FBXO10: variants seen among roughly 807,000 people sequenced by gnomAD.
The protein encoded by FBXO10 is F-box protein 10.
FBXO10 carries 39 observed loss-of-function variants against 80.7 expected under a neutral mutation model. The ratio of observed to expected loss-of-function variants is 0.48; its 90% CI spans 0.37 to 0.63. The LOEUF (loss-of-function observed/expected upper bound fraction) is 0.63, where lower values mean the gene tolerates loss of function less well. Ranked by LOEUF, FBXO10 falls within the 30% of genes least tolerant of loss-of-function variation. The pLI, the probability that FBXO10 is intolerant of heterozygous loss-of-function variation, is 0.00. For missense variants in FBXO10, 1,025 were observed against 1,269.0 expected (o/e 0.81, Z 2.92); for synonymous variants, 449 against 489.6 (o/e 0.92, Z 1.09).
chr9:37,554,065 C>A (rs962947191), intron 1 of FBXO10, among the ~76,000 whole-genome samples: 5 of 152,174 alleles, frequency 3.3e-5, no homozygotes, highest in Non-Finnish European at 5.9e-5. Flanking sequence ...TTAGATTTCT[C>A]CAGTTTTACT....
At position 37,532,169 on chromosome 9, in the gene FBXO10, C is replaced by T. The variant is rs186393262; in HGVS notation, c.1420-111G>A. The T allele has an allele frequency of 1.1e-3, 1,373 of 1,241,844 alleles. 6 individuals carry two copies. Among genetic ancestry groups the T allele is most frequent in the South Asian group, 2.1e-3 (147 of 68,978 alleles). The allele number at this position is 1,241,844 out of a possible 1,614,324, so 76.9% of individuals were successfully genotyped here. A position where few individuals can be genotyped will look rare whatever the true frequency, so the allele number is the denominator to read the frequency against. On this transcript the variant is annotated intron_variant, in intron 3 of 10. Coordinates refer to ENST00000432825, the MANE Select transcript of FBXO10 (RefSeq NM_012166.3). ...ACCACCTGATCCATGCAGTTTACCCCGTAGGCAAGAGAAACGCCTCAATGC... is the reference window on the plus strand; with the variant it reads ...ACCACCTGATCCATGCAGTTTACCCTGTAGGCAAGAGAAACGCCTCAATGC...
intron 9 of FBXO10, among the ~76,000 whole-genome samples, chr9:37,517,328 C>T (rs373514674): frequency 2.5e-4 from 37 of 149,644 alleles, no homozygotes; most frequent in Non-Finnish European, 4.7e-4. Context: ...ATCCATATAA[C>T]CAAAAACCAC....
intron 2 of FBXO10, among the ~76,000 whole-genome samples, chr9:37,540,445 G>A (rs569323280): frequency 6.6e-6 from 1 of 152,010 alleles, no homozygotes; most frequent in African/African-American, 2.4e-5. Flanking sequence ...CCAAAGTGCT[G>A]GGATTACAGG....
At chr9:37,542,625 G>C (rs564195513) in intron 1 of FBXO10, among the ~76,000 whole-genome samples, 1 of 149,622 alleles carries the variant, frequency 6.7e-6, no homozygotes, top group Non-Finnish European at 1.5e-5. Context: ...ATACGACTCC[G>C]GAACTGCCAG....
chr9:37,534,553 C>T (rs1821709215), intron 3 of FBXO10, among the ~76,000 whole-genome samples: 1 of 152,230 alleles, frequency 6.6e-6, no homozygotes, highest in African/African-American at 2.4e-5. Flanking sequence ...CCAGTAAGAA[C>T]TCAGCTAACA....
intron 1 of FBXO10, among the ~76,000 whole-genome samples, chr9:37,552,267 A>T (rs1032706186): frequency 6.6e-6 from 1 of 152,174 alleles, no homozygotes; most frequent in Non-Finnish European, 1.5e-5. Flanking sequence ...ATCCGTTTCC[A>T]AGTTGCTTCT....
intron 3 of FBXO10, among the ~76,000 whole-genome samples, chr9:37,535,517 AT>A (rs893067313): frequency 2.7e-5 from 4 of 148,046 alleles, no homozygotes; most frequent in East Asian, 2.0e-4. Flanking sequence ...ATGCCTGGCT[AT>A]TTTTTTTTTA....
At position 37,531,895 on chromosome 9, in the gene FBXO10, C is replaced by T. The variant is rs1477024774; in HGVS notation, c.1569+14G>A. On this transcript the variant is annotated intron_variant, in intron 4 of 10. Transcript: ENST00000432825. ...ACCAAGAGTCACCCTGAATAGGGAA[C>T]GAACACAAAGTACCAGTATGAGTGG... The T allele has an allele frequency of 4.3e-6, 7 of 1,612,020 alleles. No homozygotes were observed. In the South Asian group the frequency reaches 4.4e-5, roughly 10 times the overall value.
At chr9:37,515,651 C>A (rs1018553896) in intron 10 of FBXO10, 1 of 389,648 alleles carries the variant, frequency 2.6e-6, no homozygotes, top group Non-Finnish European at 4.6e-6. Flanking sequence ...TGCCCAAGGT[C>A]ACACAGCCAG....
intron 1 of FBXO10, among the ~76,000 whole-genome samples, chr9:37,571,812 C>T (rs1822767545): frequency 6.9e-6 from 1 of 145,320 alleles, no homozygotes; most frequent in Admixed American, 7.0e-5. Flanking sequence ...AGACAGTTCA[C>T]AAAAGAGGCA....
chr9:37,531,929 T>C lies in FBXO10; in HGVS notation c.1549A>G (p.Lys517Glu). The change falls in exon 4 of 11, where the codon AAG (lysine) becomes GAG (glutamate). Residue 517 changes from lysine to glutamate, a missense_variant. This residue lies in a region of FBXO10 where 478 missense variants were observed against 667.8 expected (regional missense o/e 0.72). Coordinates refer to ENST00000432825, the MANE Select transcript of FBXO10 (RefSeq NM_012166.3). ...NAEAGVDIRKKSNPLILCNQI... is the reference protein window; with the variant it reads ...NAEAGVDIRKESNPLILCNQI... ...AGTACCAGTATGAGTGGGTTGGACT[T>C]TTTCCGGATGTCTACACCAGCCTCT... 1 of 1,613,878 alleles carries C rather than the reference T, an allele frequency of 6.2e-7. No individual in the cohort carries two copies. The highest frequency in any genetic ancestry group is 8.5e-7 in the Non-Finnish European group (1 of 1,179,824).
chr9:37,547,927 GCCTGGGTGACAGCAAAAC>G (rs1295387227), intron 1 of FBXO10, among the ~76,000 whole-genome samples: 2 of 152,170 alleles, frequency 1.3e-5, no homozygotes, highest in Admixed American at 1.3e-4. Flanking sequence ...CTGCACTCCA[GCCTGGGTGACAGCAAAAC>G]CCTGTCTCAA....
At chr9:37,545,611 A>G (rs948969298) in intron 1 of FBXO10, among the ~76,000 whole-genome samples, 13 of 152,132 alleles carry the variant, frequency 8.5e-5, no homozygotes, top group Non-Finnish European at 1.5e-4. Flanking sequence ...TCTAGCCCCA[A>G]TCATCTTTCT....
intron 1 of FBXO10, among the ~76,000 whole-genome samples, chr9:37,565,977 G>C (rs563307797): frequency 5.5e-4 from 83 of 152,156 alleles, no homozygotes; most frequent in Admixed American, 1.4e-3. Context: ...GAGTCTGAAG[G>C]GATCAGTGAG....
intron 1 of FBXO10, among the ~76,000 whole-genome samples, chr9:37,552,015 C>T (rs1822208755): frequency 6.6e-6 from 1 of 152,196 alleles, no homozygotes; most frequent in Non-Finnish European, 1.5e-5. Flanking sequence ...AAGTTCTTTG[C>T]CACTTTATAA....
chr9:37,533,877 A>AC lies in FBXO10; in HGVS notation c.1420-1820_1420-1819insG, dbSNP rs1214272711. On this transcript the variant is annotated intron_variant, in intron 3 of 10. Transcript: ENST00000432825. ...AAACAGTGGAGACTCCGTCTCAAAA[A>AC]AAAAAAAACAAAAAAAACACAACCA... Among the ~76,000 whole-genome samples the AC allele has an allele frequency of 6.8e-3, 1,026 of 151,672 alleles. 20 individuals carry two copies. Among genetic ancestry groups the AC allele is most frequent in the African/African-American group, 0.022 (924 of 41,178 alleles).
At chr9:37,529,819 C>T (rs1400956748) in intron 4 of FBXO10, among the ~76,000 whole-genome samples, 2 of 150,828 alleles carry the variant, frequency 1.3e-5, no homozygotes, top group Non-Finnish European at 2.9e-5. Context: ...GTATGAGCTA[C>T]AGAATGCCAA....
chr9:37,550,186 T>G (rs1279761088), intron 1 of FBXO10, among the ~76,000 whole-genome samples: 7 of 129,458 alleles, frequency 5.4e-5, no homozygotes, highest in Admixed American at 3.1e-4. Flanking sequence ...TTTTTTTTTT[T>G]TTTTTTTTTT....
At chr9:37,522,101 T>A (rs1821360992) in intron 7 of FBXO10, among the ~76,000 whole-genome samples, 1 of 152,138 alleles carries the variant, frequency 6.6e-6, no homozygotes, top group South Asian at 2.1e-4. Context: ...CATGTCCACA[T>A]CAGAAGCACA....
Sources: allele counts gnomAD v4.1 joint callset (sites outside exome capture counted in the v4.1 genomes callset), GRCh38; gene constraint gnomAD v4.1.1; regional missense constraint gnomAD v4.1.1; transcripts MANE v1.5; gene names NCBI Gene and HGNC (gene_info 2026-07-23, HGNC 2026-07-21).